Variants in JAZF1 observed in about 807,000 individuals in gnomAD.
JAZF1 encodes the protein JAZF zinc finger 1.
In JAZF1, 8 loss-of-function variants were observed where a neutral mutation model predicts 26.4. The observed-to-expected ratio is 0.30, with a 90% CI of 0.18 to 0.55. The LOEUF (loss-of-function observed/expected upper bound fraction) is 0.55, where lower values mean the gene tolerates loss of function less well. JAZF1 is among the 20% of genes least tolerant of loss of function. The pLI, the probability that JAZF1 is intolerant of heterozygous loss-of-function variation, is 0.94. For synonymous variants in JAZF1, 126 were observed against 122.3 expected, an observed-to-expected ratio of 1.03 and a Z score of -0.20; for missense variants, 199 against 322.0, an observed-to-expected ratio of 0.62 and a Z score of 2.92.
intron 2 of JAZF1, among the ~76,000 whole-genome samples, chr7:27,959,146 G>T (rs1354545353): frequency 6.6e-6 from 1 of 152,158 alleles, no homozygotes; most frequent in Non-Finnish European, 1.5e-5. Context: ...CCTGCCAAGG[G>T]AACCTGTCCA....
intron 1 of JAZF1, among the ~76,000 whole-genome samples, chr7:28,127,190 TG>T (rs1782710383): frequency 6.6e-6 from 1 of 152,118 alleles, no homozygotes; most frequent in Non-Finnish European, 1.5e-5. Flanking sequence ...CAAGGGAAAA[TG>T]GACAGACCCT....
chr7:28,075,427 AAAAT>A (rs1409964216), intron 1 of JAZF1, among the ~76,000 whole-genome samples: 2 of 152,218 alleles, frequency 1.3e-5, no homozygotes, highest in Non-Finnish European at 2.9e-5. Context: ...TAAATATGAG[AAAAT>A]AATTTTAAAA....
chr7:27,945,134 T>A (rs545407832), intron 2 of JAZF1, among the ~76,000 whole-genome samples: 128 of 152,066 alleles, frequency 8.4e-4, no homozygotes, highest in African/African-American at 2.7e-3. Flanking sequence ...AGTAAAAAAA[T>A]TTTTTTTTAA....
At chr7:27,849,500 G>A (rs1488297891) in intron 3 of JAZF1, among the ~76,000 whole-genome samples, 2 of 152,154 alleles carry the variant, frequency 1.3e-5, no homozygotes, top group Non-Finnish European at 2.9e-5. Context: ...CTTGGGTTGA[G>A]TTTTCTATTT....
At chr7:27,994,478 C>CAG in intron 1 of JAZF1, among the ~76,000 whole-genome samples, 1 of 150,906 alleles carries the variant, frequency 6.6e-6, no homozygotes, top group East Asian at 1.9e-4. Context: ...AAAACACACA[C>CAG]ACACAAAAAA....
intron 1 of JAZF1, chr7:28,071,797 G>A (rs1256286552): frequency 5.5e-6 from 2 of 365,288 alleles, no homozygotes; most frequent in South Asian, 2.2e-5. Flanking sequence ...AGCTGCTTTC[G>A]ATTTGCATTA....
At chr7:28,000,978 T>G (rs1418436707) in intron 1 of JAZF1, among the ~76,000 whole-genome samples, 1 of 152,182 alleles carries the variant, frequency 6.6e-6, no homozygotes, top group Non-Finnish European at 1.5e-5. Flanking sequence ...GACATTGAAT[T>G]CTTGCCATGT....
intron 1 of JAZF1, among the ~76,000 whole-genome samples, chr7:28,029,132 C>T (rs1411739393): frequency 1.3e-5 from 2 of 152,076 alleles, no homozygotes; most frequent in Non-Finnish European, 1.5e-5. Flanking sequence ...CAAGGGACTG[C>T]GCCGAATGCT....
intron 3 of JAZF1, among the ~76,000 whole-genome samples, chr7:27,847,980 T>C (rs567415471): frequency 6.6e-6 from 1 of 152,338 alleles, no homozygotes; most frequent in African/African-American, 2.4e-5. Context: ...AATATAATTT[T>C]AAAGCAGGAA....
intron 1 of JAZF1, among the ~76,000 whole-genome samples, chr7:28,061,232 T>C (rs1459352868): frequency 1.3e-5 from 2 of 152,372 alleles, no homozygotes; most frequent in Middle Eastern, 3.4e-3. Flanking sequence ...TTACTATTAC[T>C]ATTAGATTGT....
chr7:28,045,723 T>C (rs1447953359), intron 1 of JAZF1, among the ~76,000 whole-genome samples: 1 of 152,094 alleles, frequency 6.6e-6, no homozygotes, highest in Non-Finnish European at 1.5e-5. Context: ...ACTACAGGCA[T>C]GCTATACCAT....
intron 2 of JAZF1, among the ~76,000 whole-genome samples, chr7:27,954,231 G>A (rs1017615953): frequency 6.6e-6 from 1 of 152,188 alleles, no homozygotes; most frequent in African/African-American, 2.4e-5. Flanking sequence ...GGTCCATGGT[G>A]CTTCTTCTTC....
At chr7:27,982,313 T>A (rs1193754714) in intron 2 of JAZF1, among the ~76,000 whole-genome samples, 1 of 151,742 alleles carries the variant, frequency 6.6e-6, no homozygotes, top group Non-Finnish European at 1.5e-5. Flanking sequence ...ATCCCGCGCA[T>A]GGCTCAGAGG....
chr7:27,993,319 T>C (rs1785942433), intron 1 of JAZF1, among the ~76,000 whole-genome samples: 1 of 152,156 alleles, frequency 6.6e-6, no homozygotes, highest in Non-Finnish European at 1.5e-5. Context: ...TGAGAACAGA[T>C]CAGTAGCTCT....
intron 1 of JAZF1, among the ~76,000 whole-genome samples, chr7:28,134,883 T>C (rs1449440970): frequency 6.6e-6 from 1 of 152,182 alleles, no homozygotes; most frequent in Non-Finnish European, 1.5e-5. Flanking sequence ...ATAAGCTCCT[T>C]GAGGAGTGGA....
At chr7:28,034,438 C>T (rs1412564051) in intron 1 of JAZF1, among the ~76,000 whole-genome samples, 1 of 135,476 alleles carries the variant, frequency 7.4e-6, no homozygotes, top group Admixed American at 7.7e-5. Context: ...TGAGGGTGGC[C>T]AGTTATAATA....
intron 1 of JAZF1, among the ~76,000 whole-genome samples, chr7:28,112,860 A>G (rs1784684105): frequency 1.3e-5 from 2 of 152,194 alleles, no homozygotes; most frequent in Admixed American, 1.3e-4. Flanking sequence ...ACTTTTAAAA[A>G]CAGCCTGCTG....
intron 1 of JAZF1, among the ~76,000 whole-genome samples, chr7:28,086,945 T>C (rs1784221255): frequency 6.6e-6 from 1 of 152,230 alleles, no homozygotes; most frequent in Admixed American, 6.5e-5. Context: ...GAAATTTTCC[T>C]ACCATTCAGA....
intron 2 of JAZF1, among the ~76,000 whole-genome samples, chr7:27,965,162 C>T (rs1044089977): frequency 1.3e-5 from 2 of 152,146 alleles, no homozygotes; most frequent in African/African-American, 4.8e-5. Context: ...AAGATCTTAA[C>T]TCTTGACAGC....
Sources: gnomAD v4.1 joint callset for allele counts (sites outside exome capture counted in the v4.1 genomes callset) on GRCh38, gnomAD v4.1.1 for gene constraint, MANE v1.5 for transcripts, NCBI Gene and HGNC (gene_info 2026-07-23, HGNC 2026-07-21) for gene names.